Variants in GLP2R observed in about 807,000 individuals in gnomAD.
GLP2R encodes glucagon like peptide 2 receptor.
Under a neutral mutation model 68.2 loss-of-function variants are expected in GLP2R, and 59 were observed. The observed-to-expected ratio is 0.87, with a 90% CI of 0.70 to 1.07. The LOEUF (loss-of-function observed/expected upper bound fraction) is 1.07, where lower values mean the gene tolerates loss of function less well. Among genes scored for constraint, GLP2R ranks in the 50% least tolerant of loss-of-function variants. The pLI is 0.00. For synonymous variants in GLP2R, 270 were observed against 265.4 expected, an observed-to-expected ratio of 1.02 and a Z score of -0.17; for missense variants, 548 against 677.4, an observed-to-expected ratio of 0.81 and a Z score of 2.12.
chr17:9,881,660 G>C (rs370374191), intron 11 of GLP2R, among the ~76,000 whole-genome samples: 3 of 135,548 alleles, frequency 2.2e-5, no homozygotes, highest in Admixed American at 1.4e-4. Flanking sequence ...GATTACAGGC[G>C]TGAGCCACCG....
At chr17:9,876,910 C>A (rs2067146515) in intron 10 of GLP2R, among the ~76,000 whole-genome samples, 1 of 152,276 alleles carries the variant, frequency 6.6e-6, no homozygotes, top group South Asian at 2.1e-4. Context: ...GTGTCAGATA[C>A]CATTTTTTCT....
chr17:9,854,005 G>C (rs1345681133), intron 4 of GLP2R, among the ~76,000 whole-genome samples: 1 of 152,186 alleles, frequency 6.6e-6, no homozygotes, highest in African/African-American at 2.4e-5. Flanking sequence ...GGCGACCTGG[G>C]ACTCAGAGAA....
chr17:9,826,062 AG>A lies in GLP2R; in HGVS notation c.-1del. The A allele has an allele frequency of 6.2e-7, 1 of 1,609,586 alleles. No homozygotes were observed. Among genetic ancestry groups the A allele is most frequent in the Non-Finnish European group, 8.5e-7 (1 of 1,178,770 alleles). On this transcript the variant is annotated 5_prime_UTR_variant, in exon 1 of 13. Transcript: ENST00000262441. ...CCCTACTTGTGAAGGTGCACGAGGA[AG>A]ATGAAGCTGGGATCGAGCAGGGCAG...
chr17:9,889,705 G>A lies in GLP2R; in HGVS notation c.1662G>A (p.Ter554=), dbSNP rs532732917. Residue 554 remains the stop codon, a stop_retained_variant, in exon 13 of 13, where the codon TAG becomes TAA. Transcript: ENST00000262441. The part of the protein sequence containing the change: ...MEEILEESEI[*] ...AGATTCTGGAAGAGAGTGAGATCTA[G>A]GGTGGAGTTCCACCACCCTGGCTCT... is the stretch of plus-strand genomic sequence containing the variant. 2 of 1,536,784 alleles carry A rather than the reference G, an allele frequency of 1.3e-6. No homozygotes were observed. Among genetic ancestry groups the A allele is most frequent in the South Asian group, 1.2e-5 (1 of 83,452 alleles).
chr17:9,835,530 A>G (rs2066719942), intron 2 of GLP2R, among the ~76,000 whole-genome samples: 1 of 152,164 alleles, frequency 6.6e-6, no homozygotes, highest in Non-Finnish European at 1.5e-5. Context: ...TGGCAAATGG[A>G]GAGATATGAC....
At chr17:9,857,069 G>A (rs369991016) in intron 5 of GLP2R, among the ~76,000 whole-genome samples, 4 of 152,024 alleles carry the variant, frequency 2.6e-5, no homozygotes, top group Admixed American at 1.3e-4. Context: ...TTACAGGCAC[G>A]CGCCACCACA....
intron 10 of GLP2R, among the ~76,000 whole-genome samples, chr17:9,871,721 C>CTTTTTTTTTT (rs372099240): frequency 9.1e-4 from 93 of 102,286 alleles, no homozygotes; most frequent in African/African-American, 1.8e-3. Flanking sequence ...TACTTTCTTT[C>CTTTTTTTTTT]TTTTTTTTTT....
chr17:9,836,498 A>G lies in GLP2R; in HGVS notation c.382+23A>G, dbSNP rs373566984. ...AAGGTAATAAGTCTTATTTTTACCAATTTTCCCCAACCAAGTGCTTTTCTG... is the reference window on the plus strand; with the variant it reads ...AAGGTAATAAGTCTTATTTTTACCAGTTTTCCCCAACCAAGTGCTTTTCTG... On this transcript the variant is annotated intron_variant, in intron 3 of 12. Transcript: ENST00000262441. 269 of 1,432,754 alleles carry G rather than the reference A, an allele frequency of 1.9e-4. 2 individuals carry two copies. The South Asian group carries it at 3.0e-3, about 16-fold the overall frequency. 88.8% of individuals were successfully genotyped at this position (1,432,754 alleles called of 1,614,324 possible). A position where few individuals can be genotyped will look rare whatever the true frequency, so the allele number is the denominator to read the frequency against.
chr17:9,874,350 A>G (rs1365116976), intron 10 of GLP2R, among the ~76,000 whole-genome samples: 1 of 152,116 alleles, frequency 6.6e-6, no homozygotes, highest in East Asian at 1.9e-4. Flanking sequence ...GCCCTTGTTC[A>G]AAGAAAAAGC....
intron 4 of GLP2R, among the ~76,000 whole-genome samples, chr17:9,843,446 A>T (rs962002103): frequency 2.0e-5 from 3 of 152,240 alleles, no homozygotes; most frequent in African/African-American, 7.2e-5. Context: ...GTCATCAGAC[A>T]TCAGTTTCTT....
chr17:9,857,141 C>G (rs1191721684), intron 5 of GLP2R, among the ~76,000 whole-genome samples: 1 of 152,068 alleles, frequency 6.6e-6, no homozygotes, highest in Non-Finnish European at 1.5e-5. Flanking sequence ...AGGGTGGTCT[C>G]GATCTCCTGA....
intron 11 of GLP2R, among the ~76,000 whole-genome samples, chr17:9,881,051 G>A (rs1421869486): frequency 6.6e-6 from 1 of 152,188 alleles, no homozygotes; most frequent in Non-Finnish European, 1.5e-5. Flanking sequence ...ATTTCTTAGT[G>A]TCTTAAGATG....
intron 4 of GLP2R, chr17:9,853,028 T>G: frequency 2.1e-6 from 1 of 487,388 alleles, no homozygotes; most frequent in South Asian, 2.0e-5. Context: ...GTGGGTGGTG[T>G]GATTTCAAAG....
Position 9,842,635 on chromosome 17 carries a change from G to T in GLP2R, c.504+19G>T, listed in dbSNP as rs779302260. Reference sequence around the variant, plus strand: ...GCAAAACGTGAGTTTGCTCAGCTCAGTGAGGAGGCATCCAGGGTCCAAACC... The same window carrying T: ...GCAAAACGTGAGTTTGCTCAGCTCATTGAGGAGGCATCCAGGGTCCAAACC... On this transcript the variant is annotated intron_variant, in intron 4 of 12. Coordinates refer to ENST00000262441, the MANE Select transcript of GLP2R (RefSeq NM_004246.3). 3.7e-6 allele frequency: 6 copies of T among 1,612,544 alleles called. No individual in the cohort carries two copies. Among genetic ancestry groups the T allele is most frequent in the African/African-American group, 1.3e-5 (1 of 74,882 alleles).
At chr17:9,874,877 T>C (rs1206871809) in intron 10 of GLP2R, among the ~76,000 whole-genome samples, 4 of 152,142 alleles carry the variant, frequency 2.6e-5, no homozygotes, top group African/African-American at 9.7e-5. Flanking sequence ...GAAAAATCAC[T>C]ATCTGCCCAC....
chr17:9,885,826 A>G (rs1000194641), intron 11 of GLP2R, among the ~76,000 whole-genome samples: 6 of 152,060 alleles, frequency 3.9e-5, no homozygotes, highest in Middle Eastern at 3.2e-3. Flanking sequence ...GCCTGAGCCC[A>G]CAGAAAGTAG....
intron 2 of GLP2R, 151 bp from the exon 3 acceptor site, chr17:9,836,220 A>G (rs2066729377): frequency 6.5e-6 from 4 of 616,010 alleles, no homozygotes; most frequent in South Asian, 3.8e-5. Flanking sequence ...TCCTTGACTC[A>G]TCTAGAGAGT....
chr17:9,860,875 C>T (rs979934659), intron 7 of GLP2R, among the ~76,000 whole-genome samples: 5 of 152,154 alleles, frequency 3.3e-5, no homozygotes, highest in South Asian at 4.1e-4. Flanking sequence ...TCAGGAGATT[C>T]GGGTTAATAT....
intron 4 of GLP2R, among the ~76,000 whole-genome samples, chr17:9,845,105 G>A (rs2066825557): frequency 6.6e-6 from 1 of 150,600 alleles, no homozygotes; most frequent in South Asian, 2.1e-4. Context: ...GTTCCCCAGG[G>A]TGGAGTGCAG....
Sources: allele counts gnomAD v4.1 joint callset (sites outside exome capture counted in the v4.1 genomes callset), GRCh38; gene constraint gnomAD v4.1.1; transcripts MANE v1.5; gene names NCBI Gene and HGNC (gene_info 2026-07-23, HGNC 2026-07-21).